GAB2: variants seen among roughly 807,000 people sequenced by gnomAD.
The protein encoded by GAB2 is GRB2-associated-binding protein 2.
GAB2 carries 26 observed loss-of-function variants against 65.5 expected under a neutral mutation model. The ratio of observed to expected loss-of-function variants is 0.40; its 90% CI spans 0.29 to 0.55. The LOEUF (loss-of-function observed/expected upper bound fraction) is 0.55, where lower values mean the gene tolerates loss of function less well. GAB2 is among the 20% of genes least tolerant of loss of function. The probability of loss-of-function intolerance (pLI) is 0.53; values close to 1 mark genes in which losing one functional copy is unlikely to be tolerated. For missense variants in GAB2, 884 were observed against 875.8 expected, an observed-to-expected ratio of 1.01 and a Z score of -0.12; for synonymous variants, 321 against 329.6, an observed-to-expected ratio of 0.97 and a Z score of 0.28.
intron 3 of GAB2, among the ~76,000 whole-genome samples, chr11:78,235,744 C>T (rs1864962376): frequency 6.6e-6 from 1 of 152,192 alleles, no homozygotes; most frequent in Admixed American, 6.5e-5. Flanking sequence ...TTAGCCTGGA[C>T]CTTATTGTCC....
At chr11:78,221,637 A>T (rs1255111522) in intron 8 of GAB2, 40 bp downstream of exon 8, 2 of 1,278,870 alleles carry the variant, frequency 1.6e-6, no homozygotes, top group Non-Finnish European at 1.1e-6. Flanking sequence ...GTCCCAGGGG[A>T]CTTGAAAGGC....
intron 1 of GAB2, among the ~76,000 whole-genome samples, chr11:78,337,094 C>T (rs1200242123): frequency 1.3e-5 from 2 of 152,214 alleles, no homozygotes; most frequent in Non-Finnish European, 2.9e-5. Flanking sequence ...TTGGACTGGG[C>T]AACCAGCCTT....
intron 2 of GAB2, among the ~76,000 whole-genome samples, chr11:78,274,161 G>C (rs1050373120): frequency 6.6e-6 from 1 of 152,172 alleles, no homozygotes; most frequent in Non-Finnish European, 1.5e-5. Flanking sequence ...TGTAGTCCCA[G>C]TTACTTGGAG....
At chr11:78,393,610 T>C (rs1164393136) in intron 1 of GAB2, among the ~76,000 whole-genome samples, 2 of 152,204 alleles carry the variant, frequency 1.3e-5, no homozygotes, top group Non-Finnish European at 2.9e-5. Context: ...ACCCTTTGAA[T>C]CAGACCCTCT....
At chr11:78,350,476 T>C (rs1057491285) in intron 1 of GAB2, among the ~76,000 whole-genome samples, 1 of 152,236 alleles carries the variant, frequency 6.6e-6, no homozygotes, top group Non-Finnish European at 1.5e-5. Flanking sequence ...CACTTCCTCT[T>C]TGAGGATTGC....
At chr11:78,393,485 A>G (rs1425725296) in intron 1 of GAB2, among the ~76,000 whole-genome samples, 1 of 152,242 alleles carries the variant, frequency 6.6e-6, no homozygotes, top group Non-Finnish European at 1.5e-5. Context: ...CTATCAAATT[A>G]TCAAGTATTA....
chr11:78,346,442 T>C (rs1856179828), intron 1 of GAB2, among the ~76,000 whole-genome samples: 2 of 151,862 alleles, frequency 1.3e-5, no homozygotes, highest in Non-Finnish European at 2.9e-5. Context: ...TTATTCCCAT[T>C]TTACAGAATA....
intron 1 of GAB2, among the ~76,000 whole-genome samples, chr11:78,365,635 G>A (rs1162978822): frequency 6.6e-6 from 1 of 152,198 alleles, no homozygotes; most frequent in Non-Finnish European, 1.5e-5. Flanking sequence ...GTGGAGCTGG[G>A]TGGGACCAGG....
chr11:78,338,721 T>C (rs1856043718), intron 1 of GAB2, among the ~76,000 whole-genome samples: 1 of 152,226 alleles, frequency 6.6e-6, no homozygotes, highest in Non-Finnish European at 1.5e-5. Flanking sequence ...TGACCAGTAC[T>C]GTGGTTGTTC....
chr11:78,327,565 C>T (rs1360935021), intron 1 of GAB2, among the ~76,000 whole-genome samples: 2 of 152,010 alleles, frequency 1.3e-5, no homozygotes, highest in Non-Finnish European at 2.9e-5. Flanking sequence ...GTTTGGGAAA[C>T]AACATACCAT....
At chr11:78,376,832 T>C (rs1406629058) in intron 1 of GAB2, among the ~76,000 whole-genome samples, 1 of 152,132 alleles carries the variant, frequency 6.6e-6, no homozygotes, top group Non-Finnish European at 1.5e-5. Flanking sequence ...GTTGGGATAT[T>C]TGTCCCCGCC....
At chr11:78,256,800 G>T (rs2134537009) in intron 2 of GAB2, among the ~76,000 whole-genome samples, 1 of 152,296 alleles carries the variant, frequency 6.6e-6, no homozygotes, top group East Asian at 1.9e-4. Flanking sequence ...CTTGGGAGAA[G>T]AAAAGAATGG....
chr11:78,314,324 C>T (rs73496788), intron 1 of GAB2, among the ~76,000 whole-genome samples: 3,123 of 152,274 alleles, frequency 0.021, 99 homozygotes, highest in African/African-American at 0.071. Flanking sequence ...GCTTGCACTG[C>T]GTCCCATATG....
Position 78,401,114 on chromosome 11 carries a change from T to TAAA in GAB2, c.75+16529_75+16531dup, listed in dbSNP as rs754665540. Among the ~76,000 whole-genome samples the TAAA allele has an allele frequency of 9.4e-4, 136 of 145,274 alleles. 1 individual carries two copies. Among genetic ancestry groups the TAAA allele is most frequent in the African/African-American group, 3.3e-3 (132 of 39,960 alleles). ...TTACTAACCTTTACCAAGTGAGGTT[T>TAAA]AAAAAAAAAAAACTGTCATAAAATG... On this transcript the variant is annotated intron_variant, in intron 1 of 9. Coordinates refer to ENST00000361507, the MANE Select transcript of GAB2 (RefSeq NM_080491.3).
chr11:78,251,497 A>C (rs1328459103), intron 2 of GAB2, among the ~76,000 whole-genome samples: 1 of 152,244 alleles, frequency 6.6e-6, no homozygotes, highest in Non-Finnish European at 1.5e-5. Context: ...AAGCTAGTCC[A>C]AATTCCTTAG....
intron 1 of GAB2, among the ~76,000 whole-genome samples, chr11:78,321,669 A>C (rs755458538): frequency 2.6e-5 from 4 of 152,230 alleles, no homozygotes; most frequent in Non-Finnish European, 4.4e-5. Flanking sequence ...ACTTTTGAAA[A>C]GTACTCTACT....
chr11:78,261,399 C>T (rs933678154), intron 2 of GAB2, among the ~76,000 whole-genome samples: 1 of 152,126 alleles, frequency 6.6e-6, no homozygotes, highest in African/African-American at 2.4e-5. Context: ...AGAAGAATGA[C>T]CAAATGAGAT....
intron 1 of GAB2, among the ~76,000 whole-genome samples, chr11:78,290,997 A>G (rs1238101695): frequency 6.6e-6 from 1 of 152,194 alleles, no homozygotes; most frequent in Non-Finnish European, 1.5e-5. Flanking sequence ...ACTCAGTTCT[A>G]TAGTGGCATG....
intron 1 of GAB2, among the ~76,000 whole-genome samples, chr11:78,292,596 A>T (rs1165062941): frequency 2.6e-5 from 4 of 152,226 alleles, no homozygotes; most frequent in Admixed American, 6.5e-5. Flanking sequence ...ATATATTTCA[A>T]CACGAAGCTA....
Sources: gnomAD v4.1 joint callset for allele counts (sites outside exome capture counted in the v4.1 genomes callset) on GRCh38, gnomAD v4.1.1 for gene constraint, MANE v1.5 for transcripts, NCBI Gene and HGNC (gene_info 2026-07-23, HGNC 2026-07-21) for gene names.